Variants in LRP1B observed in about 807,000 individuals in gnomAD.
LRP1B encodes the protein LDL receptor related protein 1B.
In LRP1B, 217 loss-of-function variants were observed where a neutral mutation model predicts 556.6. The observed-to-expected ratio is 0.39, with a 90% CI of 0.35 to 0.44. The LOEUF is 0.44. LRP1B is among the 20% of genes least tolerant of loss of function. The pLI is 1.00. For synonymous variants in LRP1B, 2,047 were observed against 1,865.8 expected (o/e 1.10, Z -2.50); for missense variants, 5,053 against 5,620.8 (o/e 0.90, Z 3.23).
At chr2:141,342,273 TA>T (rs1222913713) in intron 3 of LRP1B, among the ~76,000 whole-genome samples, 4 of 77,428 alleles carry the variant, frequency 5.2e-5, no homozygotes, top group African/African-American at 2.5e-4. Context: ...TAAATAAAAA[TA>T]AAATAAATAA....
chr2:140,468,333 T>C (rs934183508), intron 60 of LRP1B, among the ~76,000 whole-genome samples: 1 of 152,072 alleles, frequency 6.6e-6, no homozygotes, highest in African/African-American at 2.4e-5. Flanking sequence ...GCTGCCTTGA[T>C]CTAAATTTCA....
intron 1 of LRP1B, among the ~76,000 whole-genome samples, chr2:142,005,626 T>C (rs1189347520): frequency 6.6e-6 from 1 of 152,164 alleles, no homozygotes; most frequent in Admixed American, 6.5e-5. Flanking sequence ...AAAGAATTAA[T>C]AAATGTGAAT....
At chr2:141,546,685 T>G (rs1370875068) in intron 2 of LRP1B, among the ~76,000 whole-genome samples, 1 of 152,142 alleles carries the variant, frequency 6.6e-6, no homozygotes, top group Non-Finnish European at 1.5e-5. Flanking sequence ...AAGCTTGCAT[T>G]TTACTTTTGA....
At chr2:141,970,051 CA>C (rs1006442155) in intron 1 of LRP1B, among the ~76,000 whole-genome samples, 18 of 151,648 alleles carry the variant, frequency 1.2e-4, no homozygotes, top group African/African-American at 4.3e-4. Flanking sequence ...TTTTATTTCA[CA>C]TATCTGTTGA....
chr2:140,999,523 A>G (rs1164482899), intron 15 of LRP1B, among the ~76,000 whole-genome samples: 2 of 152,120 alleles, frequency 1.3e-5, no homozygotes, highest in Non-Finnish European at 1.5e-5. Context: ...AACATTGTAT[A>G]TAGTATTTCC....
chr2:141,036,625 A>G (rs1361856347), intron 11 of LRP1B, among the ~76,000 whole-genome samples: 1 of 152,052 alleles, frequency 6.6e-6, no homozygotes, highest in Non-Finnish European at 1.5e-5. Flanking sequence ...GCAGAAGTAA[A>G]AGGCAAAGCC....
At chr2:140,968,406 T>G (rs1224589176) in intron 18 of LRP1B, among the ~76,000 whole-genome samples, 1 of 152,134 alleles carries the variant, frequency 6.6e-6, no homozygotes, top group African/African-American at 2.4e-5. Context: ...TTGTGTCTAT[T>G]TGATTCTTCT....
rs1316420515 is a variant in LRP1B, at chr2:141,925,358, A to G, written c.83-114957T>C. Among the ~76,000 whole-genome samples the G allele has an allele frequency of 2.0e-5, 3 of 152,178 alleles. 1 individual carries two copies. Among genetic ancestry groups the G allele is most frequent in the South Asian group, 4.1e-4 (2 of 4,834 alleles). On this transcript the variant is annotated intron_variant, in intron 1 of 90. Coordinates refer to ENST00000389484, the MANE Select transcript of LRP1B (RefSeq NM_018557.3). ...ATTGTGTTCTCTATTATAAGACTAT[A>G]ATATTACAAATGAAGAGTTTGATAC... is the stretch of plus-strand genomic sequence containing the variant.
At chr2:140,808,156 T>C (rs1020297625) in intron 32 of LRP1B, among the ~76,000 whole-genome samples, 2 of 149,434 alleles carry the variant, frequency 1.3e-5, no homozygotes. Context: ...AGCTATAGGT[T>C]GGTCAGCTTT....
chr2:140,984,876 C>G (rs928705171), intron 17 of LRP1B, among the ~76,000 whole-genome samples: 1 of 152,012 alleles, frequency 6.6e-6, no homozygotes, highest in South Asian at 2.1e-4. Context: ...TTCCACAAAC[C>G]CCCAAGGACT....
chr2:140,795,711 G>C (rs1559123989), intron 32 of LRP1B, among the ~76,000 whole-genome samples: 1 of 151,956 alleles, frequency 6.6e-6, no homozygotes, highest in Non-Finnish European at 1.5e-5. Context: ...AGTCTAGATT[G>C]GGCTGAATAA....
intron 43 of LRP1B, among the ~76,000 whole-genome samples, chr2:140,548,136 C>A (rs1019693562): frequency 6.6e-6 from 1 of 151,984 alleles, no homozygotes; most frequent in African/African-American, 2.4e-5. Context: ...TTCTTAAGAT[C>A]ATTTAGGTAG....
At chr2:141,124,111 C>T (rs553737705) in intron 7 of LRP1B, among the ~76,000 whole-genome samples, 1 of 152,064 alleles carries the variant, frequency 6.6e-6, no homozygotes, top group East Asian at 1.9e-4. Flanking sequence ...AGTCTGACTA[C>T]TTAGATAACA....
Position 141,698,493 on chromosome 2 carries a change from T to TAAA in LRP1B, c.205+111783_205+111785dup, listed in dbSNP as rs34461101. Among the ~76,000 whole-genome samples, 326 of 140,124 alleles carry TAAA rather than the reference T, an allele frequency of 2.3e-3. 1 individual carries two copies. The highest frequency in any genetic ancestry group is 5.1e-3 in the African/African-American group (198 of 38,530). The allele number at this position is 140,124 out of a possible 152,430, so 91.9% of individuals were successfully genotyped here. ...GACATTGCAAAATCTGTTGTACACTTAAAAAAAAAAAAAAAGAGTTTGACT... is the reference window on the plus strand; with the variant it reads ...GACATTGCAAAATCTGTTGTACACTTAAAAAAAAAAAAAAAAAAGAGTTTGACT... On this transcript the variant is annotated intron_variant, in intron 2 of 90. Coordinates refer to ENST00000389484, the MANE Select transcript of LRP1B (RefSeq NM_018557.3).
chr2:141,913,749 CCTA>C (rs1439133283), intron 1 of LRP1B, among the ~76,000 whole-genome samples: 1 of 151,742 alleles, frequency 6.6e-6, no homozygotes, highest in African/African-American at 2.4e-5. Context: ...TAATTACCCT[CCTA>C]CATTTTTTTT....
rs947650930 is a variant in LRP1B at position 141,247,728 on chromosome 2, T to C, written c.464-374A>G. Among the ~76,000 whole-genome samples, 6 of 152,290 alleles carry C rather than the reference T, an allele frequency of 3.9e-5. No individual in the cohort carries two copies. In the South Asian group the frequency reaches 1.2e-3, roughly 32 times the overall value. On this transcript the variant is annotated intron_variant, in intron 4 of 90. Coordinates refer to ENST00000389484, the MANE Select transcript of LRP1B (RefSeq NM_018557.3). ...TTAACAAAGAATTCGACTAGTAACA[T>C]GGTTTTCAATCAACAGATTAAATAA... is the stretch of plus-strand genomic sequence containing the variant.
intron 35 of LRP1B, among the ~76,000 whole-genome samples, chr2:140,755,227 C>A (rs1167099027): frequency 6.6e-6 from 1 of 151,992 alleles, no homozygotes. Context: ...CTTGATATTT[C>A]TAGCAAAGAT....
Position 140,267,077 on chromosome 2 carries a change from GATA to G in LRP1B, c.13247+3162_13247+3164del, listed in dbSNP as rs1682238107. 2.6e-5 allele frequency among the ~76,000 whole-genome samples: 4 copies of G among 152,076 alleles called. No individual in the cohort carries two copies. The South Asian group carries it at 6.2e-4, about 24-fold the overall frequency. On this transcript the variant is annotated intron_variant, in intron 86 of 90. Transcript: ENST00000389484. Reference sequence around the variant, plus strand: ...ATCTATGAAAAGGGAATAACAATTAGATAATAATACTACTTATGTGTAACAGTC... The same window carrying G: ...ATCTATGAAAAGGGAATAACAATTAGATAATACTACTTATGTGTAACAGTC...
intron 41 of LRP1B, among the ~76,000 whole-genome samples, chr2:140,653,668 T>A (rs1018906486): frequency 6.6e-6 from 1 of 151,946 alleles, no homozygotes; most frequent in African/African-American, 2.4e-5. Flanking sequence ...TAGGGGTAAT[T>A]TATATGTTAT....
Sources: allele counts gnomAD v4.1 joint callset (sites outside exome capture counted in the v4.1 genomes callset), GRCh38; gene constraint gnomAD v4.1.1; transcripts MANE v1.5; gene names NCBI Gene and HGNC (gene_info 2026-07-23, HGNC 2026-07-21).